Variants in DYNC2H1 observed in about 807,000 individuals in gnomAD.
DYNC2H1 encodes the protein cytoplasmic dynein 2 heavy chain 1.
In DYNC2H1, 410 loss-of-function variants were observed where a neutral mutation model predicts 570.0. That is an observed-to-expected ratio of 0.72 (90% CI 0.66 to 0.78). DYNC2H1 has a LOEUF of 0.78. DYNC2H1 is among the 30% of genes least tolerant of loss of function. The pLI is 0.00. For missense variants in DYNC2H1, 4,865 were observed against 5,046.4 expected, an observed-to-expected ratio of 0.96 and a Z score of 1.09; for synonymous variants, 1,688 against 1,677.6, an observed-to-expected ratio of 1.01 and a Z score of -0.15.
At chr11:103,143,153 T>G in intron 17 of DYNC2H1, 115 bp from the exon 18 acceptor site, 2 of 1,047,938 alleles carry the variant, frequency 1.9e-6, no homozygotes. Context: ...AATTGACACT[T>G]GAATACCTCA....
rs570657734 is a variant in DYNC2H1 at position 103,369,594 on chromosome 11, G to A, written c.12156+11235G>A. Among the ~76,000 whole-genome samples, 39 of 152,276 alleles carry A rather than the reference G, an allele frequency of 2.6e-4. No individual in the cohort carries two copies. The highest frequency in any genetic ancestry group is 5.0e-4 in the Non-Finnish European group (34 of 68,036). ...AGGAGAGGAGGGTAAAAAGTGGGGAGGATTTTGTCTTGCATCTTGGATACC... is the reference window on the plus strand; with the variant it reads ...AGGAGAGGAGGGTAAAAAGTGGGGAAGATTTTGTCTTGCATCTTGGATACC... On this transcript the variant is annotated intron_variant, in intron 83 of 88. Coordinates refer to ENST00000375735, the MANE Select transcript of DYNC2H1 (RefSeq NM_001377.3). This position sits in a 1 kb window ranked among gnomAD's most constrained non-coding sequence, Gnocchi z 4.0.
At position 103,166,061 on chromosome 11, in the gene DYNC2H1, C is replaced by G; in HGVS notation, c.4762+13C>G. 6.7e-7 allele frequency: 1 copy of G among 1,484,672 alleles called. No homozygotes were observed. The highest frequency in any genetic ancestry group is 9.0e-7 in the Non-Finnish European group (1 of 1,115,390). The allele number at this position is 1,484,672 out of a possible 1,614,324, so 92.0% of individuals were successfully genotyped here. A position where few individuals can be genotyped will look rare whatever the true frequency, so the allele number is the denominator to read the frequency against. On this transcript the variant is annotated intron_variant, in intron 31 of 88. Transcript: ENST00000375735. ...CCAGGGAATACTGGTATGGAAAAGA[C>G]ATTCCCTTTTCTGCCTGGTTTTGGG...
intron 70 of DYNC2H1, among the ~76,000 whole-genome samples, chr11:103,266,159 G>C (rs531509302): frequency 2.0e-5 from 3 of 152,182 alleles, no homozygotes; most frequent in Non-Finnish European, 4.4e-5. Flanking sequence ...TTCATAGTGC[G>C]GTTACAGTGG....
intron 82 of DYNC2H1, among the ~76,000 whole-genome samples, chr11:103,335,992 A>G (rs903059379): frequency 1.8e-4 from 28 of 152,196 alleles, no homozygotes; most frequent in African/African-American, 6.5e-4. Context: ...TCATGCCTGT[A>G]TGACACACTC....
intron 13 of DYNC2H1, among the ~76,000 whole-genome samples, chr11:103,130,393 A>G (rs1412388862): frequency 6.6e-6 from 1 of 152,004 alleles, no homozygotes; most frequent in Non-Finnish European, 1.5e-5. Context: ...TGCTATGTTA[A>G]CTCTTTTCTG....
At chr11:103,153,720 G>A (rs1860678873) in intron 22 of DYNC2H1, among the ~76,000 whole-genome samples, 1 of 151,846 alleles carries the variant, frequency 6.6e-6, no homozygotes, top group South Asian at 2.1e-4. Context: ...TTCAAGAAAG[G>A]CCTAGAAGAT....
intron 48 of DYNC2H1, 37 bp downstream of exon 48, chr11:103,198,100 T>C: frequency 2.0e-6 from 3 of 1,534,692 alleles, no homozygotes; most frequent in Non-Finnish European, 2.6e-6. Flanking sequence ...TGGGATTTGG[T>C]CATTATAGTC....
In DYNC2H1 at chr11:103,133,520, C is replaced by G; in HGVS notation, c.1954-35C>G. On this transcript the variant is annotated intron_variant, in intron 13 of 88. Coordinates refer to ENST00000375735, the MANE Select transcript of DYNC2H1 (RefSeq NM_001377.3). The surrounding 1 kb of genome is among the most constrained non-coding windows in gnomAD (Gnocchi z 4.8). ...TTGAAACTTTTGGAAAAAAGAAATACTTATACATACTAAAGGTTATTTATT... is the reference window on the plus strand; with the variant it reads ...TTGAAACTTTTGGAAAAAAGAAATAGTTATACATACTAAAGGTTATTTATT... 6.4e-7 allele frequency: 1 copy of G among 1,564,314 alleles called. No individual in the cohort carries two copies. Among genetic ancestry groups the G allele is most frequent in the South Asian group, 1.2e-5 (1 of 81,100 alleles).
At chr11:103,300,782 A>G (rs1012895900) in intron 75 of DYNC2H1, among the ~76,000 whole-genome samples, 6 of 151,952 alleles carry the variant, frequency 3.9e-5, no homozygotes, top group African/African-American at 1.4e-4. Context: ...TCTTGCCCTC[A>G]TGAAGTTTAC....
Position 103,255,465 on chromosome 11 carries a change from A to G in DYNC2H1, c.10257A>G (p.Lys3419=). ...AGAAACCTGATTTAGAAGAACAGAAAACAAAACTATTACAACAGGAAGAAG... is the reference window on the plus strand; with the variant it reads ...AGAAACCTGATTTAGAAGAACAGAAGACAAAACTATTACAACAGGAAGAAG... ...QHEKPDLEEQ[K]TKLLQQEEDK... is the part of the protein sequence containing the mutation. Residue 3419 remains lysine, a synonymous_variant, in exon 67 of 89, where the codon AAA becomes AAG. Transcript: ENST00000375735. 2 of 1,570,446 alleles carry G rather than the reference A, an allele frequency of 1.3e-6. No individual in the cohort carries two copies. Among genetic ancestry groups the G allele is most frequent in the South Asian group, 2.3e-5 (2 of 85,138 alleles).
rs146617602 is a variant in DYNC2H1, at chr11:103,163,583, A to G, written c.4611+436A>G. 4.5e-3 allele frequency among the ~76,000 whole-genome samples: 688 copies of G among 152,298 alleles called. 3 individuals carry two copies. The highest frequency in any genetic ancestry group is 8.0e-3 in the Non-Finnish European group (545 of 68,018). ...ATATTGACAGTGAGAGTGAGGTCAT[A>G]TGGTGAATTACAGAGATGGCTGCAG... On this transcript the variant is annotated intron_variant, in intron 30 of 88. Transcript: ENST00000375735. This position sits in a 1 kb window ranked among gnomAD's most constrained non-coding sequence, Gnocchi z 4.6.
rs1214747193 is a variant in DYNC2H1, at chr11:103,158,723, A to G, written c.4174A>G (p.Thr1392Ala). The G allele has an allele frequency of 6.5e-7, 1 of 1,530,968 alleles. No homozygotes were observed. Among genetic ancestry groups the G allele is most frequent in the Admixed American group, 2.0e-5 (1 of 50,582 alleles). The allele number at this position is 1,530,968 out of a possible 1,614,324, so 94.8% of individuals were successfully genotyped here. A position where few individuals can be genotyped will look rare whatever the true frequency, so the allele number is the denominator to read the frequency against. ...GAAAGACAATAGAGTCACAACATTA[A>G]CTACTCATGCTGGAATAAGAAATTC... ...IKKDNRVTTL[T>A]THAGIRNSLL... is the part of the protein sequence containing the mutation. The change falls in exon 27 of 89, where the codon ACT (threonine) becomes GCT (alanine). Residue 1392 changes from threonine to alanine, a missense_variant. By Grantham distance (58) the Thr-to-Ala change is moderately conservative (BLOSUM62 0). Around this residue, in one of 5 missense-constraint regions of DYNC2H1, gnomAD observed 1,936 missense variants for 1,962.1 expected, o/e 0.99. Transcript: ENST00000375735.
In DYNC2H1 at chr11:103,309,168, A is replaced by ATTTTTTTTTT. The variant is rs386374721; in HGVS notation, c.11493+1352_11493+1361dup. Among the ~76,000 whole-genome samples, 52 of 54,642 alleles carry ATTTTTTTTTT rather than the reference A, an allele frequency of 9.5e-4. 5 individuals are homozygous for ATTTTTTTTTT. Among genetic ancestry groups the ATTTTTTTTTT allele is most frequent in the East Asian group, 3.1e-3 (6 of 1,956 alleles). 35.8% of individuals were successfully genotyped at this position (54,642 alleles called of 152,430 possible). On this transcript the variant is annotated intron_variant, in intron 78 of 88. Coordinates refer to ENST00000375735, the MANE Select transcript of DYNC2H1 (RefSeq NM_001377.3). ...TTATTAGTGTTTGTAACTGCATGCT[A>ATTTTTTTTTT]TTTTTTTTTTTTTTTTTTTTTTTTG...
In DYNC2H1 at chr11:103,176,292, C is replaced by T. The variant is rs778578112; in HGVS notation, c.5732C>T (p.Thr1911Met). The change falls in exon 37 of 89, where the codon ACG (threonine) becomes ATG (methionine). Residue 1911 changes from threonine to methionine, a missense_variant. Around this residue, in one of 5 missense-constraint regions of DYNC2H1, gnomAD observed 292 missense variants for 300.2 expected, o/e 0.97. Transcript: ENST00000375735. ...AGGCTTAATACCATGTCAAAGTTTA[C>T]GTTTACTGATTGCACCCGGTTTGAT... is the stretch of plus-strand genomic sequence containing the variant. ...ALRLNTMSKF[T>M]FTDCTRFDAL... 17 of 1,546,958 alleles carry T rather than the reference C, an allele frequency of 1.1e-5. No homozygotes were observed. The African/African-American group carries it at 1.4e-4, about 13-fold the overall frequency.
At chr11:103,307,002 G>T (rs1867316966) in intron 77 of DYNC2H1, among the ~76,000 whole-genome samples, 1 of 152,134 alleles carries the variant, frequency 6.6e-6, no homozygotes, top group Non-Finnish European at 1.5e-5. Context: ...TTGGGATTGT[G>T]ATAGTGAAGA....
At chr11:103,435,347 GTATAT>G (rs898118767) in intron 84 of DYNC2H1, among the ~76,000 whole-genome samples, 3 of 152,016 alleles carry the variant, frequency 2.0e-5, no homozygotes, top group African/African-American at 7.2e-5. Flanking sequence ...CACCAAAAAG[GTATAT>G]TATAATGAAC....
At chr11:103,311,652 A>T (rs1374881672) in intron 78 of DYNC2H1, among the ~76,000 whole-genome samples, 1 of 150,754 alleles carries the variant, frequency 6.6e-6, no homozygotes, top group Admixed American at 6.6e-5. Context: ...TATTGTATAG[A>T]TTTTTAAATT....
Position 103,168,917 on chromosome 11 carries a change from T to C in DYNC2H1, c.4925T>C (p.Val1642Ala). Residue 1642 changes from valine (V) to alanine (A), a missense_variant, in exon 32 of 89, where the codon GTT becomes GCT. Coordinates refer to ENST00000375735, the MANE Select transcript of DYNC2H1 (RefSeq NM_001377.3). Reference protein sequence around the residue: ...FYMKSDHTCCVQMVDSEFQYT... With the variant: ...FYMKSDHTCCAQMVDSEFQYT... ...ATGAAAAGTGATCATACATGTTGTG[T>C]TCAAATGGTGGATTCTGAATTTCAG... 1 of 1,612,226 alleles carries C rather than the reference T, an allele frequency of 6.2e-7. No individual in the cohort carries two copies. The highest frequency in any genetic ancestry group is 8.5e-7 in the Non-Finnish European group (1 of 1,179,224).
intron 83 of DYNC2H1, among the ~76,000 whole-genome samples, chr11:103,362,312 ATT>A (rs1454832282): frequency 7.6e-6 from 1 of 131,216 alleles, no homozygotes; most frequent in South Asian, 2.4e-4. Context: ...AAATATATTA[ATT>A]TTTTTCTTTT....
Sources: gnomAD v4.1 joint callset for allele counts (sites outside exome capture counted in the v4.1 genomes callset) on GRCh38, gnomAD v4.1.1 for gene constraint, gnomAD v4.1.1 regional missense constraint, Gnocchi (gnomAD v3.1) non-coding constraint, MANE v1.5 for transcripts, NCBI Gene and HGNC (gene_info 2026-07-23, HGNC 2026-07-21) for gene names.